SETX: variants seen among roughly 807,000 people sequenced by gnomAD.
SETX encodes senataxin, also known as helicase senataxin.
A neutral mutation model predicts 227.2 loss-of-function variants in SETX; 90 were observed. The observed-to-expected ratio is 0.40, with a 90% CI of 0.33 to 0.47. SETX has a LOEUF of 0.47. Among genes scored for constraint, SETX ranks in the 20% least tolerant of loss-of-function variants. The pLI is 0.91. For missense variants in SETX, 3,052 were observed against 3,181.5 expected, an observed-to-expected ratio of 0.96 and a Z score of 0.98; for synonymous variants, 1,210 against 1,113.2, an observed-to-expected ratio of 1.09 and a Z score of -1.73.
chr9:132,284,184 G>T (rs1843698859), intron 18 of SETX, among the ~76,000 whole-genome samples: 1 of 152,202 alleles, frequency 6.6e-6, no homozygotes, highest in Non-Finnish European at 1.5e-5. Flanking sequence ...GTCAGACACT[G>T]TCCTCAGCCA....
chr9:132,265,009 A>G, intron 25 of SETX, 24 bp from the exon 26 acceptor site: 1 of 1,610,520 alleles, frequency 6.2e-7, no homozygotes, highest in Non-Finnish European at 8.5e-7. Flanking sequence ...GAAGGGAGAA[A>G]TAATTACACC....
rs144130916 is a variant in SETX, at chr9:132,329,445, A to T, written c.2153T>A (p.Ile718Asn). The T allele has an allele frequency of 5.6e-6, 9 of 1,613,162 alleles. No homozygotes were observed. In the Admixed American group the frequency reaches 8.3e-5, roughly 15 times the overall value. The stretch of plus-strand genomic sequence containing the variant: ...ACAGTCCTTTGGTGTATATGAAGAG[A>T]TCTCTTTTACAGACTTCTGCTTCCT... ...STRKQKSVKE[I>N]SSYTPKDCTS... Residue 718 changes from isoleucine (I) to asparagine (N), a missense_variant, in exon 10 of 26, where the codon ATC (isoleucine) becomes AAC (asparagine). Transcript: ENST00000224140.
At chr9:132,268,775 A>AT (rs1391801366) in intron 25 of SETX, among the ~76,000 whole-genome samples, 1 of 152,332 alleles carries the variant, frequency 6.6e-6, no homozygotes, top group South Asian at 2.1e-4. Context: ...ACTTACAAAG[A>AT]TTTTTTCTAT....
intron 24 of SETX, 148 bp downstream of exon 24, chr9:132,271,562 G>C (rs1430173416): frequency 2.7e-6 from 2 of 727,892 alleles, no homozygotes; most frequent in Admixed American, 4.2e-5. Context: ...ACTTAAAAGA[G>C]AAACTTTCAT....
At position 132,334,646 on chromosome 9, in the gene SETX, A is replaced by G. The variant is rs961848539; in HGVS notation, c.800T>C (p.Met267Thr). 6.2e-7 allele frequency: 1 copy of G among 1,614,030 alleles called. No homozygotes were observed. Among genetic ancestry groups the G allele is most frequent in the African/African-American group, 1.3e-5 (1 of 74,946 alleles). The stretch of plus-strand genomic sequence containing the variant: ...CTCCATAGTGTGAAGTATCGATTGC[A>G]TAAAATCATTTTGTTTGTCTGAGCC... ...LLGSDKQNDF[M>T]QSILHTMERE... is the part of the protein sequence containing the mutation. The change falls in exon 7 of 26, where the codon ATG (methionine) becomes ACG (threonine). Residue 267 changes from methionine to threonine, a missense_variant. Met to Thr is a moderately conservative substitution (Grantham distance 81, BLOSUM62 -1). Transcript: ENST00000224140.
intron 10 of SETX, among the ~76,000 whole-genome samples, chr9:132,315,097 G>T (rs1312835028): frequency 3.3e-5 from 5 of 151,852 alleles, no homozygotes; most frequent in Admixed American, 3.3e-4. Context: ...ATTTTTAGTA[G>T]AGACAGGGTT....
chr9:132,309,340 G>A (rs980358692), intron 11 of SETX, among the ~76,000 whole-genome samples: 1 of 151,896 alleles, frequency 6.6e-6, no homozygotes, highest in Non-Finnish European at 1.5e-5. Context: ...AGCACAAATG[G>A]TCTTTCAATA....
rs369323114 is a variant in SETX at position 132,327,195 on chromosome 9, C to A, written c.4403G>T (p.Gly1468Val). 2 of 1,614,198 alleles carry A rather than the reference C, an allele frequency of 1.2e-6. No homozygotes were observed. The highest frequency in any genetic ancestry group is 8.5e-7 in the Non-Finnish European group (1 of 1,180,044). Reference protein sequence around the residue: ...VSTSEDPLGGGDPTARHIEMA... With the variant: ...VSTSEDPLGGVDPTARHIEMA... ...CTCTATATGACGTGCTGTTGGATCA[C>A]CTCCACCCAGAGGGTCTTCTGAAGT... Residue 1468 changes from glycine to valine, a missense_variant, in exon 10 of 26, where the codon GGT (glycine) becomes GTT (valine). Transcript: ENST00000224140.
chr9:132,286,379 G>T (rs199933444), intron 18 of SETX, 44 bp downstream of exon 18: 6 of 1,167,018 alleles, frequency 5.1e-6, no homozygotes, highest in Non-Finnish European at 6.0e-6. Flanking sequence ...ATTTTAAAAA[G>T]AAAAAAAAAA....
chr9:132,305,069 G>T (rs2131326719), intron 11 of SETX, among the ~76,000 whole-genome samples: 1 of 152,018 alleles, frequency 6.6e-6, no homozygotes, highest in South Asian at 2.1e-4. Context: ...ACTATTTTGG[G>T]CCAGGCGCAG....
At chr9:132,265,386 C>T (rs971979235) in intron 25 of SETX, among the ~76,000 whole-genome samples, 2 of 151,838 alleles carry the variant, frequency 1.3e-5, no homozygotes, top group South Asian at 2.1e-4. Flanking sequence ...CCACCACGCC[C>T]GGCTAATTTT....
In SETX at chr9:132,264,741, G is replaced by A. The variant is rs988147005; in HGVS notation, c.7532C>T (p.Thr2511Ile). 3.7e-6 allele frequency: 6 copies of A among 1,614,236 alleles called. No individual in the cohort carries two copies. The South Asian group carries it at 5.5e-5, about 15-fold the overall frequency. ...AGTAATTTCCTTGGAGTCAGAGGGT[G>A]TGTGGTATAGAGAAGCAGCAACAGA... is the stretch of plus-strand genomic sequence containing the variant. ...KTSVAASLYH[T>I]PSDSKEITLT... The change falls in exon 26 of 26, where the codon ACA (threonine) becomes ATA (isoleucine). Residue 2511 changes from threonine to isoleucine, a missense_variant. By Grantham distance (89) the Thr-to-Ile change is moderately conservative (BLOSUM62 -1). Transcript: ENST00000224140.
Position 132,327,382 on chromosome 9 carries a change from C to T in SETX, c.4216G>A (p.Ala1406Thr), listed in dbSNP as rs765224413. 1.2e-6 allele frequency: 2 copies of T among 1,614,076 alleles called. No individual in the cohort carries two copies. Among genetic ancestry groups the T allele is most frequent in the African/African-American group, 2.7e-5 (2 of 74,932 alleles). Residue 1406 changes from alanine (A) to threonine (T), a missense_variant, in exon 10 of 26, where the codon GCC becomes ACC. This residue lies in a region of SETX where 1,483 missense variants were observed against 1,312.0 expected (regional missense o/e 1.13). Coordinates refer to ENST00000224140, the MANE Select transcript of SETX (RefSeq NM_015046.7). Reference protein sequence around the residue: ...YNCTGGTEVLANSNRKQLIKC... With the variant: ...YNCTGGTEVLTNSNRKQLIKC... ...ATTAACTGTTTTCTGTTACTGTTGG[C>T]AAGTACCTCAGTTCCTCCTGTACAA...
intron 10 of SETX, among the ~76,000 whole-genome samples, chr9:132,314,136 AGGCGGGAGTGCAATGGTGCGATCTC>A (rs1412292675): frequency 6.6e-6 from 1 of 151,906 alleles, no homozygotes; most frequent in African/African-American, 2.4e-5. Flanking sequence ...CTTGTTGCCC[AGGCGGGAGTGCAATGGTGCGATCTC>A]GGCTCACCAC....
chr9:132,331,521 G>A, intron 7 of SETX, 73 bp from the exon 8 acceptor site: 1 of 1,514,628 alleles, frequency 6.6e-7, no homozygotes, highest in Non-Finnish European at 9.0e-7. Flanking sequence ...TGAGAATTAA[G>A]CATATTCTTT....
Position 132,334,735 on chromosome 9 carries a change from A to G in SETX, c.719-8T>C. The G allele has an allele frequency of 6.2e-7, 1 of 1,613,942 alleles. No individual in the cohort carries two copies. The highest frequency in any genetic ancestry group is 8.5e-7 in the Non-Finnish European group (1 of 1,179,860). On this transcript the variant is annotated splice_polypyrimidine_tract_variant and splice_region_variant and intron_variant, in intron 6 of 25. Coordinates refer to ENST00000224140, the MANE Select transcript of SETX (RefSeq NM_015046.7). The stretch of plus-strand genomic sequence containing the variant: ...TCAGCAACATGCAAATACCTGTAAG[A>G]TCATTTAGAGTTATCTTGAATTGAT...
intron 5 of SETX, among the ~76,000 whole-genome samples, chr9:132,337,790 A>G (rs1847719482): frequency 6.6e-6 from 1 of 152,244 alleles, no homozygotes; most frequent in Non-Finnish European, 1.5e-5. Flanking sequence ...CAATCACCAT[A>G]GTTCAGGCAA....
chr9:132,308,067 C>T (rs1845436181), intron 11 of SETX, among the ~76,000 whole-genome samples: 1 of 152,076 alleles, frequency 6.6e-6, no homozygotes, highest in Non-Finnish European at 1.5e-5. Context: ...ACTGAGTAAC[C>T]AAATAGTAGT....
At chr9:132,288,157 C>T (rs1844034351) in intron 17 of SETX, 79 bp downstream of exon 17, 3 of 1,142,344 alleles carry the variant, frequency 2.6e-6, no homozygotes, top group African/African-American at 3.1e-5. Flanking sequence ...GCCTGGAAGA[C>T]AGAGCAAGAC....
Sources: allele counts gnomAD v4.1 joint callset (sites outside exome capture counted in the v4.1 genomes callset), GRCh38; gene constraint gnomAD v4.1.1; regional missense constraint gnomAD v4.1.1; transcripts MANE v1.5; gene names NCBI Gene and HGNC (gene_info 2026-07-23, HGNC 2026-07-21).